The following ANKRD27 variants were observed in gnomAD, a reference collection of about 807,000 sequenced individuals.
ANKRD27 encodes ankyrin repeat domain-containing protein 27.
A neutral mutation model predicts 129.7 loss-of-function variants in ANKRD27; 112 were observed. The ratio of observed to expected loss-of-function variants is 0.86; its 90% CI spans 0.74 to 1.01. The LOEUF is 1.01. ANKRD27 is among the 50% of genes least tolerant of loss of function. ANKRD27 has a pLI of 0.00. For synonymous variants in ANKRD27, 516 were observed against 511.2 expected, an observed-to-expected ratio of 1.01 and a Z score of -0.13; for missense variants, 1,258 against 1,300.5, an observed-to-expected ratio of 0.97 and a Z score of 0.50.
chr19:32,635,614 A>C (rs774802241), intron 12 of ANKRD27, among the ~76,000 whole-genome samples: 12 of 151,900 alleles, frequency 7.9e-5, no homozygotes, highest in Non-Finnish European at 1.6e-4. Context: ...CCACATACAT[A>C]CTCTAGAATC....
chr19:32,621,698 T>C (rs1240458497), intron 18 of ANKRD27, among the ~76,000 whole-genome samples: 1 of 152,204 alleles, frequency 6.6e-6, no homozygotes, highest in African/African-American at 2.4e-5. Flanking sequence ...GGGGCTCCCC[T>C]AGAGACCTGG....
rs1446343291 is a variant in ANKRD27, at chr19:32,643,322, T to C, written c.670A>G (p.Ile224Val). The C allele has an allele frequency of 1.2e-6, 2 of 1,613,856 alleles. No individual in the cohort carries two copies. The highest frequency in any genetic ancestry group is 1.7e-6 in the Non-Finnish European group (2 of 1,180,008). The change falls in exon 8 of 29, where the codon ATC becomes GTC. Residue 224 changes from isoleucine to valine, a missense_variant. Transcript: ENST00000306065. ...IYVHHEIYNL[I>V]FKYVGTMEAS... ...TCCATGGTCCCCACGTATTTAAAGA[T>C]CAGGTTGTAAATTTCATGATGGACG...
intron 10 of ANKRD27, among the ~76,000 whole-genome samples, chr19:32,640,798 G>A (rs1408584884): frequency 6.6e-6 from 1 of 152,286 alleles, no homozygotes; most frequent in East Asian, 1.9e-4. Context: ...CAGGTACTTG[G>A]GAGGCTGAGG....
chr19:32,667,032 C>T (rs1967772080), intron 1 of ANKRD27, among the ~76,000 whole-genome samples: 1 of 152,228 alleles, frequency 6.6e-6, no homozygotes, highest in Admixed American at 6.5e-5. Flanking sequence ...TACCTGTCTG[C>T]AGGACTCTTA....
chr19:32,656,059 A>AAAAGAAAGAAAGAAAAGAAAG, intron 2 of ANKRD27, among the ~76,000 whole-genome samples: 1 of 65,924 alleles, frequency 1.5e-5, no homozygotes, highest in South Asian at 5.6e-4. Context: ...GAAAAGAAAG[A>AAAAGAAAGAAAGAAAAGAAAG]AAAGAAAGAA....
chr19:32,671,587 T>C (rs1032799713), intron 1 of ANKRD27, among the ~76,000 whole-genome samples: 2 of 151,192 alleles, frequency 1.3e-5, no homozygotes, highest in Non-Finnish European at 3.0e-5. Flanking sequence ...CCCAGCTACT[T>C]GGGAGGCTGA....
intron 22 of ANKRD27, among the ~76,000 whole-genome samples, chr19:32,610,340 C>T (rs1192289315): frequency 6.6e-6 from 1 of 151,738 alleles, no homozygotes; most frequent in Non-Finnish European, 1.5e-5. Flanking sequence ...AATAAAATAG[C>T]CCAGCATGGT....
At position 32,631,988 on chromosome 19, in the gene ANKRD27, TTAAA is replaced by T. The variant is rs1391970406; in HGVS notation, c.1117-498_1117-495del. On this transcript the variant is annotated intron_variant, in intron 12 of 28. Coordinates refer to ENST00000306065, the MANE Select transcript of ANKRD27 (RefSeq NM_032139.3). ...GGGTCTTGCTTTTTGGACGTGCCTA[TTAAA>T]TAATATGGCCACATGGCCAGGCGCA... Among the ~76,000 whole-genome samples, 28 of 152,336 alleles carry T rather than the reference TTAAA, an allele frequency of 1.8e-4. No individual in the cohort carries two copies. The South Asian group carries it at 4.6e-3, about 25-fold the overall frequency.
At chr19:32,617,815 C>T (rs1206280654) in intron 20 of ANKRD27, among the ~76,000 whole-genome samples, 182 bp from the exon 21 acceptor site, 4 of 147,158 alleles carry the variant, frequency 2.7e-5, no homozygotes, top group African/African-American at 5.0e-5. Context: ...AGTGCAGTGG[C>T]GCAATCTCGG....
chr19:32,641,967 C>T, intron 10 of ANKRD27, 57 bp downstream of exon 10: 1 of 1,501,454 alleles, frequency 6.7e-7, no homozygotes, highest in Non-Finnish European at 8.9e-7. Context: ...TCACTCTTTG[C>T]TTTTTCATCT....
intron 1 of ANKRD27, among the ~76,000 whole-genome samples, chr19:32,660,739 AG>A (rs1206117585): frequency 2.2e-5 from 1 of 45,326 alleles, no homozygotes; most frequent in Non-Finnish European, 1.2e-4. Flanking sequence ...ATAGTCTATG[AG>A]TATAAAGCCA....
chr19:32,601,695 C>T (rs1404420215), intron 26 of ANKRD27, among the ~76,000 whole-genome samples: 1 of 151,364 alleles, frequency 6.6e-6, no homozygotes, highest in Non-Finnish European at 1.5e-5. Flanking sequence ...GACTTTGGAA[C>T]ATGAGGCATG....
intron 13 of ANKRD27, 46 bp downstream of exon 13, chr19:32,631,356 G>A: frequency 6.5e-7 from 1 of 1,533,772 alleles, no homozygotes; most frequent in South Asian, 1.1e-5. Context: ...AAGAGATGCA[G>A]TGTTCCTCAC....
chr19:32,600,107 T>A, intron 26 of ANKRD27, 57 bp from the exon 27 acceptor site: 1 of 1,248,184 alleles, frequency 8.0e-7, no homozygotes, highest in Non-Finnish European at 1.2e-6. Flanking sequence ...AAGATTATTT[T>A]AAAATTACAG....
intron 28 of ANKRD27, among the ~76,000 whole-genome samples, chr19:32,599,328 TTGTC>T (rs34832567): frequency 0.27 from 41,131 of 151,866 alleles, 6,821 homozygotes; most frequent in East Asian, 0.72. Context: ...ACATAAAGAA[TTGTC>T]TGAGCAACTG....
At chr19:32,645,381 C>T (rs982188254) in intron 4 of ANKRD27, among the ~76,000 whole-genome samples, 2 of 151,918 alleles carry the variant, frequency 1.3e-5, no homozygotes, top group African/African-American at 2.4e-5. Context: ...CACTGCACTC[C>T]AGCCTGGCAA....
intron 1 of ANKRD27, among the ~76,000 whole-genome samples, chr19:32,665,964 C>T (rs1169690794): frequency 6.6e-6 from 1 of 152,044 alleles, no homozygotes; most frequent in African/African-American, 2.4e-5. Flanking sequence ...GACGGGGTTT[C>T]GCCATGTTGG....
At chr19:32,670,609 G>C (rs146080872) in intron 1 of ANKRD27, among the ~76,000 whole-genome samples, 1,771 of 152,254 alleles carry the variant, frequency 0.012, 42 homozygotes, top group African/African-American at 0.04. Context: ...AGGAGGCGGA[G>C]GTTGCAGTGA....
At position 32,628,629 on chromosome 19, in the gene ANKRD27, C is replaced by T. The variant is rs201639281; in HGVS notation, c.1337+93G>A. 8.2e-5 allele frequency: 125 copies of T among 1,524,042 alleles called. 1 individual carries two copies. In the East Asian group the frequency reaches 2.8e-3, roughly 34 times the overall value. 94.4% of individuals were successfully genotyped at this position (1,524,042 alleles called of 1,614,324 possible). A position where few individuals can be genotyped will look rare whatever the true frequency, so the allele number is the denominator to read the frequency against. On this transcript the variant is annotated intron_variant, in intron 14 of 28. Transcript: ENST00000306065. Reference sequence around the variant, plus strand: ...CAGCTGGGGGGCAGGGAGGACAGTCCTTATCTGCAGTCACACAGCGCACAG... The same window carrying T: ...CAGCTGGGGGGCAGGGAGGACAGTCTTTATCTGCAGTCACACAGCGCACAG...
Sources: gnomAD v4.1 joint callset for allele counts (sites outside exome capture counted in the v4.1 genomes callset) on GRCh38, gnomAD v4.1.1 for gene constraint, MANE v1.5 for transcripts, NCBI Gene and HGNC (gene_info 2026-07-23, HGNC 2026-07-21) for gene names.